Variants in AKT2 observed in about 807,000 individuals in gnomAD.
The protein encoded by AKT2 is AKT serine/threonine kinase 2.
A neutral mutation model predicts 58.6 loss-of-function variants in AKT2; 16 were observed. The observed-to-expected ratio is 0.27, with a 90% CI of 0.18 to 0.41. The LOEUF is 0.41. Among genes scored for constraint, AKT2 ranks in the 10% least tolerant of loss-of-function variants. AKT2 has a pLI of 1.00. For missense variants in AKT2, 438 were observed against 661.0 expected (o/e 0.66, Z 3.70); for synonymous variants, 253 against 254.0 (o/e 1.00, Z 0.04).
chr19:40,236,532 G>A, intron 9 of AKT2, 147 bp from the exon 10 acceptor site: 1 of 1,071,180 alleles, frequency 9.3e-7, no homozygotes. Flanking sequence ...CTCACCCTCT[G>A]AGGCTCAGAG....
At position 40,238,612 on chromosome 19, in the gene AKT2, C is replaced by A. The variant is rs1974178655; in HGVS notation, c.708+293G>T. Among the ~76,000 whole-genome samples, 1 of 152,126 alleles carries A rather than the reference C, an allele frequency of 6.6e-6. No homozygotes were observed. The highest frequency in any genetic ancestry group is 1.5e-5 in the Non-Finnish European group (1 of 68,006). On this transcript the variant is annotated intron_variant, in intron 8 of 13. Transcript: ENST00000392038. The surrounding 1 kb of genome is among the most constrained non-coding windows in gnomAD (Gnocchi z 5.1). ...GGGGCTTTCTCTGGGGCCTTTAAGA[C>A]CATCCTTCCCAGTGCTATCGCCCCA...
rs756665451 is a variant in AKT2, at chr19:40,272,766, G to A, written c.-84-7415C>T. Among the ~76,000 whole-genome samples, 8 of 150,998 alleles carry A rather than the reference G, an allele frequency of 5.3e-5. No homozygotes were observed. In the East Asian group the frequency reaches 7.7e-4, roughly 15 times the overall value. Reference sequence around the variant, plus strand: ...TCACACGCACAGAAAAAAGAAATCCGAAGGAAATACGCCACACTAAGAGGC... The same window carrying A: ...TCACACGCACAGAAAAAAGAAATCCAAAGGAAATACGCCACACTAAGAGGC... On this transcript the variant is annotated intron_variant, in intron 1 of 13. Transcript: ENST00000392038.
intron 2 of AKT2, among the ~76,000 whole-genome samples, chr19:40,265,008 G>T (rs543558940): frequency 1.3e-5 from 2 of 152,342 alleles, no homozygotes; most frequent in African/African-American, 4.8e-5. Flanking sequence ...GGCTATGAAT[G>T]AGATCACTCA....
At chr19:40,260,662 A>G (rs1481556534) in intron 2 of AKT2, among the ~76,000 whole-genome samples, 1 of 149,230 alleles carries the variant, frequency 6.7e-6, no homozygotes, top group Admixed American at 6.7e-5. Context: ...AAAAAAGAAT[A>G]TATCATCCCA....
At chr19:40,236,419 C>A in intron 9 of AKT2, 34 bp from the exon 10 acceptor site, 1 of 1,613,642 alleles carries the variant, frequency 6.2e-7, no homozygotes, top group East Asian at 2.2e-5. Context: ...CAGGTGCATG[C>A]TCCCAAGGCT....
intron 4 of AKT2, among the ~76,000 whole-genome samples, chr19:40,250,687 G>A (rs956486835): frequency 6.6e-6 from 1 of 151,948 alleles, no homozygotes; most frequent in African/African-American, 2.4e-5. Flanking sequence ...AATTAGCCTG[G>A]TGTGGTGGCA....
intron 2 of AKT2, among the ~76,000 whole-genome samples, chr19:40,264,363 A>G (rs548111204): frequency 1.6e-4 from 25 of 152,156 alleles, no homozygotes; most frequent in African/African-American, 6.0e-4. Flanking sequence ...TCCTAACTTC[A>G]CTAAAAGGGG....
intron 1 of AKT2, among the ~76,000 whole-genome samples, chr19:40,269,264 C>G (rs2145386257): frequency 6.6e-6 from 1 of 152,290 alleles, no homozygotes; most frequent in East Asian, 1.9e-4. Flanking sequence ...CCTAAGGTTC[C>G]TGGGCATGAG....
In AKT2 at chr19:40,233,439, A is replaced by G. The variant is rs1237471455; in HGVS notation, c.*433T>C. 8 of 504,328 alleles carry G rather than the reference A, an allele frequency of 1.6e-5. No homozygotes were observed. The highest frequency in any genetic ancestry group is 1.5e-4 in the Admixed American group (6 of 39,340). The allele number at this position is 504,328 out of a possible 1,614,324, so 31.2% of individuals were successfully genotyped here. ...CCGAGCCTAGGCCACGGGGCCTGGAAGGCAGCACCACTGTCTGCCGGGTGT... is the reference window on the plus strand; with the variant it reads ...CCGAGCCTAGGCCACGGGGCCTGGAGGGCAGCACCACTGTCTGCCGGGTGT... On this transcript the variant is annotated 3_prime_UTR_variant, in exon 14 of 14. Coordinates refer to ENST00000392038, the MANE Select transcript of AKT2 (RefSeq NM_001626.6). This position sits in a 1 kb window ranked among gnomAD's most constrained non-coding sequence, Gnocchi z 4.3.
intron 1 of AKT2, chr19:40,284,906 C>G (rs2077485768): frequency 3.4e-6 from 1 of 294,968 alleles, no homozygotes; most frequent in Non-Finnish European, 6.3e-6. Context: ...GTCCAGCCCC[C>G]GGCCCGCGCA....
In AKT2 at chr19:40,232,942, C is replaced by T. The variant is rs2145144140; in HGVS notation, c.*930G>A. The T allele has an allele frequency of 4.3e-6, 1 of 231,866 alleles. No individual in the cohort carries two copies. The highest frequency in any genetic ancestry group is 8.5e-6 in the Non-Finnish European group (1 of 117,582). The allele number at this position is 231,866 out of a possible 1,614,324, so 14.4% of individuals were successfully genotyped here. A position where few individuals can be genotyped will look rare whatever the true frequency, so the allele number is the denominator to read the frequency against. On this transcript the variant is annotated 3_prime_UTR_variant, in exon 14 of 14. Transcript: ENST00000392038. ...TAGGTACCAGAGATGCCCACCCCCACCCCTCCCTGACCAAGTCCATGGGGC... is the reference window on the plus strand; with the variant it reads ...TAGGTACCAGAGATGCCCACCCCCATCCCTCCCTGACCAAGTCCATGGGGC...
intron 2 of AKT2, among the ~76,000 whole-genome samples, chr19:40,260,361 G>A (rs1049654876): frequency 6.6e-6 from 1 of 152,028 alleles, no homozygotes; most frequent in Non-Finnish European, 1.5e-5. Flanking sequence ...GCCGGGCTTG[G>A]TGGCTCACGC....
In AKT2 at chr19:40,242,311, C is replaced by G. The variant is rs1459268811; in HGVS notation, c.441+223G>C. 2 of 870,956 alleles carry G rather than the reference C, an allele frequency of 2.3e-6. No homozygotes were observed. The highest frequency in any genetic ancestry group is 3.3e-5 in the African/African-American group (2 of 59,948). The allele number at this position is 870,956 out of a possible 1,614,324, so 54.0% of individuals were successfully genotyped here. On this transcript the variant is annotated intron_variant, in intron 5 of 13. Coordinates refer to ENST00000392038, the MANE Select transcript of AKT2 (RefSeq NM_001626.6). This position sits in a 1 kb window ranked among gnomAD's most constrained non-coding sequence, Gnocchi z 4.3. ...GGGGGTAGCCAGGTCTTCACCAACT[C>G]CCAGGACGAACCTGCAGTGGGTCCA... is the stretch of plus-strand genomic sequence containing the variant.
rs1973940019 is a variant in AKT2, at chr19:40,235,183, A to G, written c.1264-36T>C. 6.2e-7 allele frequency: 1 copy of G among 1,613,480 alleles called. No homozygotes were observed. The highest frequency in any genetic ancestry group is 8.5e-7 in the Non-Finnish European group (1 of 1,179,514). On this transcript the variant is annotated intron_variant, in intron 12 of 13. Coordinates refer to ENST00000392038, the MANE Select transcript of AKT2 (RefSeq NM_001626.6). This position sits in a 1 kb window ranked among gnomAD's most constrained non-coding sequence, Gnocchi z 6.3. ...GAGGAGCTCAGGCTCAGGGACCCTG[A>G]GGCCAGGAGGCCTCAACCAAGGTCA... is the stretch of plus-strand genomic sequence containing the variant.
chr19:40,234,975 G>T lies in AKT2; in HGVS notation c.1366+70C>A. On this transcript the variant is annotated intron_variant, in intron 13 of 13. Transcript: ENST00000392038. The surrounding 1 kb of genome is among the most constrained non-coding windows in gnomAD (Gnocchi z 4.7). The stretch of plus-strand genomic sequence containing the variant: ...CCTTCGAGGGCCCTCCTTGAGAAGT[G>T]AGTTAAGAGCAGATCCCATCCCTCC... 3 of 1,373,866 alleles carry T rather than the reference G, an allele frequency of 2.2e-6. No homozygotes were observed. The highest frequency in any genetic ancestry group is 2.1e-6 in the Non-Finnish European group (2 of 963,788). The allele number at this position is 1,373,866 out of a possible 1,614,324, so 85.1% of individuals were successfully genotyped here. A position where few individuals can be genotyped will look rare whatever the true frequency, so the allele number is the denominator to read the frequency against.
In AKT2 at chr19:40,242,875, G is replaced by A. The variant is rs1162561238; in HGVS notation, c.288-188C>T. 2.3e-5 allele frequency: 15 copies of A among 652,040 alleles called. No homozygotes were observed. Among genetic ancestry groups the A allele is most frequent in the South Asian group, 8.8e-5 (5 of 56,622 alleles). The allele number at this position is 652,040 out of a possible 1,614,324, so 40.4% of individuals were successfully genotyped here. ...ACCTGAGTGAAATTCCACGCCAGGC[G>A]CAGTGGCTCATGCCTATAATCCCAG... On this transcript the variant is annotated intron_variant, in intron 4 of 13. Coordinates refer to ENST00000392038, the MANE Select transcript of AKT2 (RefSeq NM_001626.6). The surrounding 1 kb of genome is among the most constrained non-coding windows in gnomAD (Gnocchi z 4.3).
intron 1 of AKT2, among the ~76,000 whole-genome samples, chr19:40,276,663 C>G (rs1568573742): frequency 6.6e-6 from 1 of 152,012 alleles, no homozygotes; most frequent in South Asian, 2.1e-4. Context: ...CGTGCCCAGC[C>G]TGTAGAATGG....
In AKT2 at chr19:40,235,852, C is replaced by A. The variant is rs1433553452; in HGVS notation, c.1175+38G>T. 3 of 1,578,310 alleles carry A rather than the reference C, an allele frequency of 1.9e-6. No homozygotes were observed. Among genetic ancestry groups the A allele is most frequent in the Non-Finnish European group, 2.6e-6 (3 of 1,164,762 alleles). On this transcript the variant is annotated intron_variant, in intron 11 of 13. Coordinates refer to ENST00000392038, the MANE Select transcript of AKT2 (RefSeq NM_001626.6). This position sits in a 1 kb window ranked among gnomAD's most constrained non-coding sequence, Gnocchi z 6.3. The stretch of plus-strand genomic sequence containing the variant: ...CAGGCCGCAGGGACAGTGGCAGCAG[C>A]TGGCGCTGGGCTGGGTGGGGCCGAC...
intron 2 of AKT2, among the ~76,000 whole-genome samples, chr19:40,259,450 T>C (rs1413432026): frequency 6.6e-6 from 1 of 152,144 alleles, no homozygotes; most frequent in East Asian, 1.9e-4. Flanking sequence ...TCAAAATGAA[T>C]TGACCTGAAT....
Sources: gnomAD v4.1 joint callset for allele counts (sites outside exome capture counted in the v4.1 genomes callset) on GRCh38, gnomAD v4.1.1 for gene constraint, Gnocchi (gnomAD v3.1) non-coding constraint, MANE v1.5 for transcripts, NCBI Gene and HGNC (gene_info 2026-07-23, HGNC 2026-07-21) for gene names.